Variants in TMEM178B observed in about 807,000 individuals in gnomAD.
The protein encoded by TMEM178B is transmembrane protein 178B.
Under a neutral mutation model 31.0 loss-of-function variants are expected in TMEM178B, and 5 were observed. The ratio of observed to expected loss-of-function variants is 0.16; its 90% confidence interval spans 0.08 to 0.34. The LOEUF (loss-of-function observed/expected upper bound fraction) is 0.34. Among genes scored for constraint, TMEM178B ranks in the 10% least tolerant of loss-of-function variants. The probability of loss-of-function intolerance (pLI) is 1.00; values close to 1 mark genes in which losing one functional copy is unlikely to be tolerated. For missense variants in TMEM178B, 275 were observed against 400.3 expected, an observed-to-expected ratio of 0.69 and a Z score of 2.67; for synonymous variants, 164 against 164.0, an observed-to-expected ratio of 1.00 and a Z score of 0.00.
intron 2 of TMEM178B, among the ~76,000 whole-genome samples, chr7:141,405,740 C>A (rs1800874304): frequency 6.6e-6 from 1 of 152,120 alleles, no homozygotes; most frequent in Admixed American, 6.5e-5. Context: ...AAAGGGTCTA[C>A]AAAAAAGGAG....
intron 1 of TMEM178B, among the ~76,000 whole-genome samples, chr7:141,201,020 G>T (rs1482671539): frequency 1.3e-5 from 2 of 152,072 alleles, no homozygotes; most frequent in Non-Finnish European, 2.9e-5. Context: ...TTTTTCAGGG[G>T]CTGGAACAAA....
At position 141,291,445 on chromosome 7, in the gene TMEM178B, G is replaced by A. The variant is rs150942112; in HGVS notation, c.496+78741G>A. ...TGGAAGGAAAGCTGGGCAGTAGCGC[G>A]AGGAGTGAGAACACATAATGTCTAC... On this transcript the variant is annotated intron_variant, in intron 2 of 3. Transcript: ENST00000565468. Among the ~76,000 whole-genome samples, 313 of 152,278 alleles carry A rather than the reference G, an allele frequency of 2.1e-3. 2 individuals are homozygous for A. Among genetic ancestry groups the A allele is most frequent in the African/African-American group, 7.0e-3 (289 of 41,566 alleles).
intron 1 of TMEM178B, among the ~76,000 whole-genome samples, chr7:141,148,277 A>G (rs1307104100): frequency 6.6e-6 from 1 of 152,206 alleles, no homozygotes; most frequent in Non-Finnish European, 1.5e-5. Context: ...TAGATAATTC[A>G]GGATTATTTC....
chr7:141,397,783 C>T (rs1051786121), intron 2 of TMEM178B, among the ~76,000 whole-genome samples: 3 of 152,150 alleles, frequency 2.0e-5, no homozygotes, highest in African/African-American at 7.2e-5. Flanking sequence ...AGCTATATTC[C>T]AATTCCTCAT....
the TMEM178B span, among the ~76,000 whole-genome samples, chr7:141,489,048 C>A: frequency 1.3e-5 from 2 of 152,072 alleles, no homozygotes; most frequent in African/African-American, 4.8e-5. Context: ...AGATAACCAC[C>A]ATTAACATTT....
chr7:141,407,064 T>C (rs1372269874), intron 2 of TMEM178B, among the ~76,000 whole-genome samples: 2 of 152,242 alleles, frequency 1.3e-5, no homozygotes, highest in African/African-American at 2.4e-5. Flanking sequence ...ACCAGTCCCA[T>C]ACAGGAATAC....
In TMEM178B at chr7:141,344,600, CT is replaced by C. The variant is rs1799582349; in HGVS notation, c.497-93006del. On this transcript the variant is annotated intron_variant, in intron 2 of 3. Coordinates refer to ENST00000565468, the MANE Select transcript of TMEM178B (RefSeq NM_001195278.2). The surrounding 1 kb of genome is among the most constrained non-coding windows in gnomAD (Gnocchi z 4.1). ...CCTTCCTTCCTTCCTTCCTTCCTTC[CT>C]TCCTTCCTTCCTTCCTTCCTTCCTT... Among the ~76,000 whole-genome samples the C allele has an allele frequency of 1.3e-5, 2 of 150,032 alleles. No individual in the cohort carries two copies. Among genetic ancestry groups the C allele is most frequent in the South Asian group, 4.3e-4 (2 of 4,670 alleles).
downstream of TMEM178B, among the ~76,000 whole-genome samples, chr7:141,484,513 TG>T (rs1333940257): frequency 6.6e-6 from 1 of 152,206 alleles, no homozygotes; most frequent in African/African-American, 2.4e-5. This position sits in a 1 kb window ranked among gnomAD's most constrained non-coding sequence, Gnocchi z 4.8. Context: ...TACCTAGGTG[TG>T]GTTTGAAAGA....
At chr7:141,482,287 T>C (rs1430255598), downstream of TMEM178B, among the ~76,000 whole-genome samples, 3 of 152,152 alleles carry the variant, frequency 2.0e-5, no homozygotes, top group Admixed American at 2.0e-4. Flanking sequence ...TAGAGGGCAG[T>C]CTCCTCCAGG....
rs141192647 is a variant in TMEM178B at position 141,079,873 on chromosome 7, G to T, written c.382+5181G>T. Among the ~76,000 whole-genome samples, 14 of 152,262 alleles carry T rather than the reference G, an allele frequency of 9.2e-5. No homozygotes were observed. The East Asian group carries it at 2.1e-3, about 23-fold the overall frequency. ...TTTGAGGGAACTGAGGCACAGAAAG[G>T]TCAGATAACTTGTGAATTCTCACAG... is the stretch of plus-strand genomic sequence containing the variant. On this transcript the variant is annotated intron_variant, in intron 1 of 3. Coordinates refer to ENST00000565468, the MANE Select transcript of TMEM178B (RefSeq NM_001195278.2).
chr7:141,171,840 G>GTGAATGAA lies in TMEM178B; in HGVS notation c.383-40730_383-40723dup, dbSNP rs72192328. Among the ~76,000 whole-genome samples the GTGAATGAA allele has an allele frequency of 1.5e-4, 23 of 151,296 alleles. No individual in the cohort carries two copies. Among genetic ancestry groups the GTGAATGAA allele is most frequent in the African/African-American group, 5.6e-4 (23 of 41,230 alleles). ...TTTATCAGGCTCTCAATACACATTT[G>GTGAATGAA]TGAATGAATGAATGAATGAATGAAT... On this transcript the variant is annotated intron_variant, in intron 1 of 3. Transcript: ENST00000565468. The surrounding 1 kb of genome is among the most constrained non-coding windows in gnomAD (Gnocchi z 4.3).
chr7:141,095,962 T>G (rs1177879442), intron 1 of TMEM178B, among the ~76,000 whole-genome samples: 1 of 152,068 alleles, frequency 6.6e-6, no homozygotes, highest in East Asian at 1.9e-4. Flanking sequence ...AGTGGCCAGG[T>G]GGGTGAAGAG....
At chr7:141,188,455 C>A (rs985951945) in intron 1 of TMEM178B, among the ~76,000 whole-genome samples, 1 of 152,198 alleles carries the variant, frequency 6.6e-6, no homozygotes, top group Non-Finnish European at 1.5e-5. Flanking sequence ...TGCAAATACT[C>A]AACTTGCGTA....
At chr7:141,103,171 TC>T (rs1336406992) in intron 1 of TMEM178B, among the ~76,000 whole-genome samples, 1 of 152,118 alleles carries the variant, frequency 6.6e-6, no homozygotes. Context: ...AAATTATTGC[TC>T]CCCAGGTGGG....
chr7:141,309,566 T>C (rs1798873206), intron 2 of TMEM178B, among the ~76,000 whole-genome samples: 1 of 152,216 alleles, frequency 6.6e-6, no homozygotes, highest in Non-Finnish European at 1.5e-5. Context: ...TATGTGTGCT[T>C]ATTTTCCACT....
chr7:141,213,825 T>C (rs1363058537), intron 2 of TMEM178B, among the ~76,000 whole-genome samples: 1 of 152,202 alleles, frequency 6.6e-6, no homozygotes, highest in Non-Finnish European at 1.5e-5. Flanking sequence ...AGAAGTATAT[T>C]GTGGCTGCGT....
At chr7:141,438,717 A>AAAG (rs1339328743) in intron 3 of TMEM178B, among the ~76,000 whole-genome samples, 1 of 142,906 alleles carries the variant, frequency 7.0e-6, no homozygotes, top group East Asian at 2.0e-4. Flanking sequence ...AAAAAAAAAA[A>AAAG]AAAAAAAAAT....
In TMEM178B at chr7:141,302,894, C is replaced by T. The variant is rs576649325; in HGVS notation, c.496+90190C>T. On this transcript the variant is annotated intron_variant, in intron 2 of 3. Transcript: ENST00000565468. ...AGACTTGACCTCCGGGCACAGAAGA[C>T]GCAAACTCAAATGCCAGCTTGGAAA... 9.2e-5 allele frequency among the ~76,000 whole-genome samples: 14 copies of T among 152,244 alleles called. 1 individual carries two copies. The highest frequency in any genetic ancestry group is 2.6e-4 in the African/African-American group (11 of 41,534).
chr7:141,339,143 G>A (rs1799473933), intron 2 of TMEM178B, among the ~76,000 whole-genome samples: 1 of 152,132 alleles, frequency 6.6e-6, no homozygotes, highest in Non-Finnish European at 1.5e-5. Flanking sequence ...AGGTTGCGAT[G>A]GCTATAGCGA....
Sources: gnomAD v4.1 joint callset for allele counts (sites outside exome capture counted in the v4.1 genomes callset) on GRCh38, gnomAD v4.1.1 for gene constraint, Gnocchi (gnomAD v3.1) non-coding constraint, MANE v1.5 for transcripts, NCBI Gene and HGNC (gene_info 2026-07-23, HGNC 2026-07-21) for gene names.